MLF2: variants seen among roughly 807,000 people sequenced by gnomAD.
MLF2 encodes myelodysplasia-myeloid leukemia factor 2.
In MLF2, 12 loss-of-function variants were observed where a neutral mutation model predicts 31.4. The observed-to-expected ratio is 0.38, with a 90% confidence interval of 0.24 to 0.62. The LOEUF (loss-of-function observed/expected upper bound fraction) is 0.62. Ranked by LOEUF, MLF2 falls within the 20% of genes least tolerant of loss-of-function variation. The pLI, the probability that MLF2 is intolerant of heterozygous loss-of-function variation, is 0.58. For synonymous variants in MLF2, 109 were observed against 118.8 expected (o/e 0.92, Z 0.54); for missense variants, 272 against 359.7 (o/e 0.76, Z 1.97).
In MLF2 at chr12:6,750,315, G is replaced by A. The variant is rs1412279206; in HGVS notation, c.271-10C>T. 6.2e-6 allele frequency: 10 copies of A among 1,613,230 alleles called. No homozygotes were observed. Among genetic ancestry groups the A allele is most frequent in the Admixed American group, 1.7e-5 (1 of 59,960 alleles). Reference sequence around the variant, plus strand: ...CAGCTGTCATGTGTTCCTGAGGACAGGGTAGGTAGGGGAGGGCTGAATGGG... The same window carrying A: ...CAGCTGTCATGTGTTCCTGAGGACAAGGTAGGTAGGGGAGGGCTGAATGGG... On this transcript the variant is annotated splice_polypyrimidine_tract_variant and intron_variant, in intron 5 of 8. Transcript: ENST00000203630. The surrounding 1 kb of genome is among the most constrained non-coding windows in gnomAD (Gnocchi z 5.3).
chr12:6,753,039 T>C lies in MLF2; in HGVS notation c.-129A>G, dbSNP rs1409116388. The C allele has an allele frequency of 8.1e-6, 3 of 369,574 alleles. No homozygotes were observed. The highest frequency in any genetic ancestry group is 1.4e-5 in the Non-Finnish European group (3 of 207,844). 22.9% of individuals were successfully genotyped at this position (369,574 alleles called of 1,614,324 possible). The stretch of plus-strand genomic sequence containing the variant: ...CCGGAACGTGGGGATTGGTCCGGGC[T>C]TGAGCTCCTCGGCCTTCCACGCCGC... On this transcript the variant is annotated 5_prime_UTR_variant, in exon 1 of 9. Transcript: ENST00000203630.
At position 6,750,655 on chromosome 12, in the gene MLF2, A is replaced by G; in HGVS notation, c.270+58T>C. ...TTTCCCTCTTGCCTTAGAGGATGCA[A>G]GGTGTTGTCAGCCATCACTGAGAGC... On this transcript the variant is annotated intron_variant, in intron 5 of 8. Coordinates refer to ENST00000203630, the MANE Select transcript of MLF2 (RefSeq NM_001382226.1). The surrounding 1 kb of genome is among the most constrained non-coding windows in gnomAD (Gnocchi z 5.3). 1 of 1,539,950 alleles carries G rather than the reference A, an allele frequency of 6.5e-7. No homozygotes were observed. Among genetic ancestry groups the G allele is most frequent in the Non-Finnish European group, 9.0e-7 (1 of 1,113,066 alleles).
rs1428594264 is a variant in MLF2, at chr12:6,749,384, G to A, written c.560-402C>T. ...AAAGACACCGCCAGCACCTGACTCCGCCCGAGCGGAGGAGGCTCCAAGTGC... is the reference window on the plus strand; with the variant it reads ...AAAGACACCGCCAGCACCTGACTCCACCCGAGCGGAGGAGGCTCCAAGTGC... On this transcript the variant is annotated intron_variant, in intron 7 of 8. Transcript: ENST00000203630. The surrounding 1 kb of genome is among the most constrained non-coding windows in gnomAD (Gnocchi z 5.3). Among the ~76,000 whole-genome samples the A allele has an allele frequency of 2.6e-5, 4 of 152,242 alleles. No homozygotes were observed. Among genetic ancestry groups the A allele is most frequent in the Non-Finnish European group, 5.9e-5 (4 of 68,046 alleles).
In MLF2 at chr12:6,750,325, G is replaced by C. The variant is rs770029711; in HGVS notation, c.271-20C>G. 1 of 1,612,122 alleles carries C rather than the reference G, an allele frequency of 6.2e-7. No individual in the cohort carries two copies. The highest frequency in any genetic ancestry group is 8.5e-7 in the Non-Finnish European group (1 of 1,178,920). On this transcript the variant is annotated intron_variant, in intron 5 of 8. Coordinates refer to ENST00000203630, the MANE Select transcript of MLF2 (RefSeq NM_001382226.1). The surrounding 1 kb of genome is among the most constrained non-coding windows in gnomAD (Gnocchi z 5.3). ...GTGTTCCTGAGGACAGGGTAGGTAG[G>C]GGAGGGCTGAATGGGGAGGCATCAC...
chr12:6,751,144 G>T, intron 4 of MLF2: 1 of 274,968 alleles, frequency 3.6e-6, no homozygotes, highest in Middle Eastern at 1.3e-3. Flanking sequence ...CTCCTCAAAA[G>T]AACAAATTTT....
In MLF2 at chr12:6,748,889, CCT is replaced by C. The variant is rs769736690; in HGVS notation, c.651_652del (p.Ala219TrpfsTer17). ...CCCCTCCGCCCTTCGTCCCCCAGCCCCTGAGGACTCAAGCCGCCGAAACTCCA... is the reference window on the plus strand; with the variant it reads ...CCCCTCCGCCCTTCGTCCCCCAGCCCGAGGACTCAAGCCGCCGAAACTCCA... On this transcript the variant is annotated frameshift_variant, in exon 8 of 9. Coordinates refer to ENST00000203630, the MANE Select transcript of MLF2 (RefSeq NM_001382226.1). LOFTEE classifies it high-confidence loss of function. The surrounding 1 kb of genome is among the most constrained non-coding windows in gnomAD (Gnocchi z 4.6). 2.5e-6 allele frequency: 4 copies of C among 1,602,496 alleles called. No individual in the cohort carries two copies. Among genetic ancestry groups the C allele is most frequent in the East Asian group, 2.3e-5 (1 of 43,778 alleles).
At position 6,752,200 on chromosome 12, in the gene MLF2, C is replaced by A; in HGVS notation, c.50+85G>T. 2 of 1,539,566 alleles carry A rather than the reference C, an allele frequency of 1.3e-6. No homozygotes were observed. The highest frequency in any genetic ancestry group is 1.2e-5 in the South Asian group (1 of 84,876). ...AGCTAGGTATCCAGCCAGTTCCAACCATTCCTAGCAATGGGAACCCCGATG... is the reference window on the plus strand; with the variant it reads ...AGCTAGGTATCCAGCCAGTTCCAACAATTCCTAGCAATGGGAACCCCGATG... On this transcript the variant is annotated intron_variant, in intron 2 of 8. Coordinates refer to ENST00000203630, the MANE Select transcript of MLF2 (RefSeq NM_001382226.1). This position sits in a 1 kb window ranked among gnomAD's most constrained non-coding sequence, Gnocchi z 4.6.
At position 6,752,141 on chromosome 12, in the gene MLF2, C is replaced by T. The variant is rs1941625617; in HGVS notation, c.51-87G>A. 2 of 1,591,640 alleles carry T rather than the reference C, an allele frequency of 1.3e-6. No individual in the cohort carries two copies. Among genetic ancestry groups the T allele is most frequent in the Non-Finnish European group, 1.7e-6 (2 of 1,164,654 alleles). Reference sequence around the variant, plus strand: ...CTGCAAAAAAATACGCACAGAGCAACAGTGGCACCGATGCCTACTTCCTGC... The same window carrying T: ...CTGCAAAAAAATACGCACAGAGCAATAGTGGCACCGATGCCTACTTCCTGC... On this transcript the variant is annotated intron_variant, in intron 2 of 8. Transcript: ENST00000203630. The surrounding 1 kb of genome is among the most constrained non-coding windows in gnomAD (Gnocchi z 4.6).
In MLF2 at chr12:6,748,564, A is replaced by G; in HGVS notation, c.*26-17T>C. The G allele has an allele frequency of 2.3e-6, 1 of 432,738 alleles. No individual in the cohort carries two copies. The highest frequency in any genetic ancestry group is 4.1e-6 in the Non-Finnish European group (1 of 246,220). The allele number at this position is 432,738 out of a possible 1,614,324, so 26.8% of individuals were successfully genotyped here. ...AGCCTGTACCTGGAGGGGGAAAGAG[A>G]GAGGAGCACAAGTCAAAAGGAAGAA... On this transcript the variant is annotated splice_polypyrimidine_tract_variant and intron_variant, in intron 8 of 8. Transcript: ENST00000203630. The surrounding 1 kb of genome is among the most constrained non-coding windows in gnomAD (Gnocchi z 4.6).
chr12:6,749,091 G>C lies in MLF2; in HGVS notation c.560-109C>G, dbSNP rs987965443. The C allele has an allele frequency of 1.7e-6, 2 of 1,190,400 alleles. No homozygotes were observed. Among genetic ancestry groups the C allele is most frequent in the Non-Finnish European group, 2.3e-6 (2 of 874,126 alleles). The allele number at this position is 1,190,400 out of a possible 1,614,324, so 73.7% of individuals were successfully genotyped here. A position where few individuals can be genotyped will look rare whatever the true frequency, so the allele number is the denominator to read the frequency against. Reference sequence around the variant, plus strand: ...CCAAAGCGGCGAAGGCTGAGTGTGCGTGCAGGGATGGGTGGGGTGGCAATT... The same window carrying C: ...CCAAAGCGGCGAAGGCTGAGTGTGCCTGCAGGGATGGGTGGGGTGGCAATT... On this transcript the variant is annotated intron_variant, in intron 7 of 8. Transcript: ENST00000203630. The surrounding 1 kb of genome is among the most constrained non-coding windows in gnomAD (Gnocchi z 5.3).
rs919387499 is a variant in MLF2, at chr12:6,749,935, G to A, written c.472C>T (p.Arg158Trp). Reference sequence around the variant, plus strand: ...CGCTGGAGGATGTGAGCCCTGTCCCGGATGTGATGCCCAATGGACATCTGC... The same window carrying A: ...CGCTGGAGGATGTGAGCCCTGTCCCAGATGTGATGCCCAATGGACATCTGC... ...LEQMSIGHHI[R>W]DRAHILQRSR... The change falls in exon 7 of 9, where the codon CGG becomes TGG. Residue 158 changes from arginine to tryptophan, a missense_variant. Arg to Trp is a moderately radical substitution (Grantham distance 101). Transcript: ENST00000203630. This position sits in a 1 kb window ranked among gnomAD's most constrained non-coding sequence, Gnocchi z 5.3. 1.8e-5 allele frequency: 29 copies of A among 1,614,044 alleles called. No individual in the cohort carries two copies. Among genetic ancestry groups the A allele is most frequent in the East Asian group, 2.2e-5 (1 of 44,892 alleles).
At chr12:6,751,773 A>T (rs1565475312) in intron 3 of MLF2, 97 bp from the exon 4 acceptor site, 7 of 1,567,056 alleles carry the variant, frequency 4.5e-6, no homozygotes, top group Non-Finnish European at 5.3e-6. Context: ...CCATCCTCTC[A>T]AAAGGGAGTC....
In MLF2 at chr12:6,752,130, G is replaced by A. The variant is rs886115349; in HGVS notation, c.51-76C>T. The A allele has an allele frequency of 2.5e-5, 40 of 1,600,750 alleles. No homozygotes were observed. Among genetic ancestry groups the A allele is most frequent in the African/African-American group, 5.4e-5 (4 of 74,702 alleles). ...CCTCCACCACCCTGCAAAAAAATAC[G>A]CACAGAGCAACAGTGGCACCGATGC... On this transcript the variant is annotated intron_variant, in intron 2 of 8. Transcript: ENST00000203630. The surrounding 1 kb of genome is among the most constrained non-coding windows in gnomAD (Gnocchi z 4.6).
In MLF2 at chr12:6,749,822, G is replaced by C; in HGVS notation, c.559+26C>G. ...ACGGGAACCGGGTTAGGGGCTGCCA[G>C]CCAGGAAGCGGGAGGGAAGGCTCAC... is the stretch of plus-strand genomic sequence containing the variant. On this transcript the variant is annotated intron_variant, in intron 7 of 8. Coordinates refer to ENST00000203630, the MANE Select transcript of MLF2 (RefSeq NM_001382226.1). This position sits in a 1 kb window ranked among gnomAD's most constrained non-coding sequence, Gnocchi z 5.3. 1 of 1,612,380 alleles carries C rather than the reference G, an allele frequency of 6.2e-7. No individual in the cohort carries two copies. The highest frequency in any genetic ancestry group is 1.3e-5 in the African/African-American group (1 of 74,932).
In MLF2 at chr12:6,748,598, C is replaced by G. The variant is rs538645957; in HGVS notation, c.*26-51G>C. ...CAAGTCAAAAGGAAGAAAAAACTTA[C>G]GTTAAGAGCCAGGAGTTGGGGTTTA... On this transcript the variant is annotated intron_variant, in intron 8 of 8. Coordinates refer to ENST00000203630, the MANE Select transcript of MLF2 (RefSeq NM_001382226.1). This position sits in a 1 kb window ranked among gnomAD's most constrained non-coding sequence, Gnocchi z 4.6. The G allele has an allele frequency of 2.4e-5, 12 of 493,278 alleles. No individual in the cohort carries two copies. Among genetic ancestry groups the G allele is most frequent in the African/African-American group, 2.4e-4 (11 of 46,068 alleles). The allele number at this position is 493,278 out of a possible 1,614,324, so 30.6% of individuals were successfully genotyped here.
Position 6,748,552 on chromosome 12 carries a change from AG to A in MLF2, c.*26-6del. On this transcript the variant is annotated splice_region_variant and splice_polypyrimidine_tract_variant and intron_variant, in intron 8 of 8. Coordinates refer to ENST00000203630, the MANE Select transcript of MLF2 (RefSeq NM_001382226.1). The surrounding 1 kb of genome is among the most constrained non-coding windows in gnomAD (Gnocchi z 4.6). ...TCTCAGCCTCTCAGCCTGTACCTGG[AG>A]GGGGAAAGAGAGAGGAGCACAAGTC... 2.4e-6 allele frequency: 1 copy of A among 411,228 alleles called. No individual in the cohort carries two copies. Among genetic ancestry groups the A allele is most frequent in the Non-Finnish European group, 4.3e-6 (1 of 232,798 alleles). The allele number at this position is 411,228 out of a possible 1,614,324, so 25.5% of individuals were successfully genotyped here.
chr12:6,751,051 TTCTAAAC>T (rs1941605872), intron 4 of MLF2: 1 of 423,158 alleles, frequency 2.4e-6, no homozygotes, highest in Non-Finnish European at 4.4e-6. Flanking sequence ...AAGTAATGGA[TTCTAAAC>T]TCTAAAGAGG....
chr12:6,752,328 G>C lies in MLF2; in HGVS notation c.7C>G (p.Arg3Gly). The C allele has an allele frequency of 6.4e-7, 1 of 1,560,488 alleles. No homozygotes were observed. Among genetic ancestry groups the C allele is most frequent in the Non-Finnish European group, 8.7e-7 (1 of 1,151,526 alleles). ...TCAGGCTCCACGTCCCTCATGAAGC[G>C]GAACATCCTGATCTCAGCTCCAGGG... is the stretch of plus-strand genomic sequence containing the variant. MF[R>G]FMRDVEPEDP... The change falls in exon 2 of 9, where the codon CGC becomes GGC. Residue 3 changes from arginine to glycine, a missense_variant. By Grantham distance (125) the Arg-to-Gly change is moderately radical. Transcript: ENST00000203630. The surrounding 1 kb of genome is among the most constrained non-coding windows in gnomAD (Gnocchi z 4.6).
chr12:6,752,093 A>G lies in MLF2; in HGVS notation c.51-39T>C, dbSNP rs113234952. 1.3e-5 allele frequency: 21 copies of G among 1,612,766 alleles called. No homozygotes were observed. In the African/African-American group the frequency reaches 1.5e-4, roughly 11 times the overall value. On this transcript the variant is annotated intron_variant, in intron 2 of 8. Coordinates refer to ENST00000203630, the MANE Select transcript of MLF2 (RefSeq NM_001382226.1). This position sits in a 1 kb window ranked among gnomAD's most constrained non-coding sequence, Gnocchi z 4.6. ...ACATAGTATGGATGGCAGAAGCGCC[A>G]AACTGTCAATCCCTCCACCACCCTG... is the stretch of plus-strand genomic sequence containing the variant.
Sources: gnomAD v4.1 joint callset for allele counts (sites outside exome capture counted in the v4.1 genomes callset) on GRCh38, gnomAD v4.1.1 for gene constraint, Gnocchi (gnomAD v3.1) non-coding constraint, MANE v1.5 for transcripts, NCBI Gene and HGNC (gene_info 2026-07-23, HGNC 2026-07-21) for gene names.